LRRC4C: variants seen among roughly 807,000 people sequenced by gnomAD.
LRRC4C encodes the protein leucine rich repeat containing 4C, also known as leucine-rich repeat-containing protein 4C.
LRRC4C carries 5 observed loss-of-function variants against 33.6 expected under a neutral mutation model. The ratio of observed to expected loss-of-function variants is 0.15; its 90% CI spans 0.08 to 0.31. The LOEUF (loss-of-function observed/expected upper bound fraction) is 0.31, where lower values mean the gene tolerates loss of function less well. Among genes scored for constraint, LRRC4C ranks in the 10% least tolerant of loss-of-function variants. The probability of loss-of-function intolerance (pLI) is 1.00; values close to 1 mark genes in which losing one functional copy is unlikely to be tolerated. For synonymous variants in LRRC4C, 329 were observed against 302.0 expected (o/e 1.09, Z -0.93); for missense variants, 560 against 796.7 (o/e 0.70, Z 3.58).
intron 3 of LRRC4C, among the ~76,000 whole-genome samples, chr11:40,358,107 C>G (rs776866770): frequency 6.6e-6 from 1 of 151,830 alleles, no homozygotes; most frequent in African/African-American, 2.4e-5. Context: ...TGTTTGAACC[C>G]GGGAGGCAGA....
chr11:41,358,586 C>T (rs1339885230), intron 1 of LRRC4C, among the ~76,000 whole-genome samples: 2 of 152,138 alleles, frequency 1.3e-5, no homozygotes, highest in Non-Finnish European at 2.9e-5. Context: ...CCTTAACAGA[C>T]AGCTCACTGA....
chr11:40,349,095 C>T (rs937698838), intron 3 of LRRC4C, among the ~76,000 whole-genome samples: 2 of 152,148 alleles, frequency 1.3e-5, no homozygotes, highest in African/African-American at 4.8e-5. Flanking sequence ...CAATTATACT[C>T]TTTTAGCTAT....
intron 4 of LRRC4C, among the ~76,000 whole-genome samples, chr11:40,254,537 T>C (rs2136205802): frequency 6.6e-6 from 1 of 152,346 alleles, no homozygotes; most frequent in African/African-American, 2.4e-5. Flanking sequence ...GTGTTATTCT[T>C]AGGTCTATCT....
At chr11:40,787,792 C>G (rs958758434) in intron 2 of LRRC4C, among the ~76,000 whole-genome samples, 11 of 152,124 alleles carry the variant, frequency 7.2e-5, no homozygotes, top group African/African-American at 2.2e-4. Context: ...TAAAGTCTAA[C>G]CATGCTTTTT....
chr11:40,996,369 AT>A (rs948865146), intron 1 of LRRC4C, among the ~76,000 whole-genome samples: 4 of 152,038 alleles, frequency 2.6e-5, no homozygotes, highest in African/African-American at 4.8e-5. Flanking sequence ...CTTAAAAAAA[AT>A]AAAACTAATG....
chr11:41,164,172 TTTTTC>T (rs1222153383), intron 1 of LRRC4C, among the ~76,000 whole-genome samples: 1 of 143,818 alleles, frequency 7.0e-6, no homozygotes, highest in Non-Finnish European at 1.5e-5. Flanking sequence ...TACATACTTC[TTTTTC>T]TTTTACCTTT....
At chr11:40,413,978 T>A (rs1950238095) in intron 3 of LRRC4C, among the ~76,000 whole-genome samples, 1 of 152,120 alleles carries the variant, frequency 6.6e-6, no homozygotes. Flanking sequence ...GTCTAAGAAT[T>A]ATGCACAATT....
At chr11:40,608,589 T>C (rs1591263759) in intron 3 of LRRC4C, among the ~76,000 whole-genome samples, 1 of 151,742 alleles carries the variant, frequency 6.6e-6, no homozygotes, top group South Asian at 2.1e-4. Flanking sequence ...TCAAACAACA[T>C]AGAGTGGCTA....
intron 3 of LRRC4C, among the ~76,000 whole-genome samples, chr11:40,577,247 G>A (rs974528242): frequency 6.6e-5 from 10 of 152,174 alleles, no homozygotes; most frequent in Non-Finnish European, 2.9e-5. Flanking sequence ...TCTTTACCTA[G>A]TGGAAGATAA....
intron 1 of LRRC4C, among the ~76,000 whole-genome samples, chr11:41,271,296 G>T (rs116409594): frequency 2.0e-5 from 3 of 151,960 alleles, no homozygotes; most frequent in Admixed American, 6.6e-5. Context: ...AAAGGCTTTC[G>T]ACTGTAGAGC....
chr11:41,008,351 G>A (rs539946221), intron 1 of LRRC4C, among the ~76,000 whole-genome samples: 36 of 152,106 alleles, frequency 2.4e-4, no homozygotes, highest in African/African-American at 7.9e-4. Flanking sequence ...TCTGTCCCCC[G>A]TCTCTCTGAC....
chr11:40,807,259 C>A (rs951725693), intron 2 of LRRC4C, among the ~76,000 whole-genome samples: 9 of 152,160 alleles, frequency 5.9e-5, no homozygotes, highest in Non-Finnish European at 1.0e-4. Flanking sequence ...AAGACAGAGA[C>A]ACTTAATTTT....
intron 3 of LRRC4C, among the ~76,000 whole-genome samples, chr11:40,575,979 C>A (rs1958174986): frequency 6.6e-6 from 1 of 152,156 alleles, no homozygotes; most frequent in Non-Finnish European, 1.5e-5. Flanking sequence ...ATAGCCAACA[C>A]TAAAGACAAG....
At chr11:40,864,643 T>A (rs1954264830) in intron 2 of LRRC4C, among the ~76,000 whole-genome samples, 1 of 152,204 alleles carries the variant, frequency 6.6e-6, no homozygotes, top group African/African-American at 2.4e-5. Context: ...ATGGCAGACA[T>A]ACCTAGTGGA....
At chr11:40,945,742 T>G (rs1203261071) in intron 1 of LRRC4C, among the ~76,000 whole-genome samples, 2 of 152,154 alleles carry the variant, frequency 1.3e-5, no homozygotes, top group African/African-American at 4.8e-5. Flanking sequence ...AGTTTGTTGC[T>G]CCTGTATATT....
intron 2 of LRRC4C, among the ~76,000 whole-genome samples, chr11:40,700,591 T>G (rs1198630408): frequency 2.6e-5 from 4 of 152,132 alleles, no homozygotes; most frequent in African/African-American, 9.6e-5. Context: ...GGAGACTCTG[T>G]TACTTGCCCA....
intron 1 of LRRC4C, among the ~76,000 whole-genome samples, chr11:40,989,374 G>A (rs991743426): frequency 6.6e-6 from 1 of 152,058 alleles, no homozygotes; most frequent in Non-Finnish European, 1.5e-5. Flanking sequence ...TGCAAATGCT[G>A]TTCTCGTTTT....
At chr11:40,471,447 G>A (rs901223792) in intron 3 of LRRC4C, among the ~76,000 whole-genome samples, 4 of 152,058 alleles carry the variant, frequency 2.6e-5, no homozygotes, top group Non-Finnish European at 5.9e-5. Context: ...AAATTGTAAA[G>A]GCCATTGACA....
chr11:40,622,167 TTA>T (rs1299779779), intron 3 of LRRC4C, among the ~76,000 whole-genome samples: 20 of 151,982 alleles, frequency 1.3e-4, no homozygotes, highest in Non-Finnish European at 4.4e-5. Flanking sequence ...AACAAATTTC[TTA>T]TGATTTCAAG....
Sources: allele counts gnomAD v4.1 joint callset (sites outside exome capture counted in the v4.1 genomes callset), GRCh38; gene constraint gnomAD v4.1.1; transcripts MANE v1.5; gene names NCBI Gene and HGNC (gene_info 2026-07-23, HGNC 2026-07-21).